Variants in GAB4 observed in about 807,000 individuals in gnomAD.
The protein encoded by GAB4 is GRB2 associated binding protein family member 4.
In GAB4, 26 loss-of-function variants were observed where a neutral mutation model predicts 51.3. The observed-to-expected ratio is 0.51, with a 90% CI of 0.37 to 0.70. The LOEUF is 0.70. Ranked by LOEUF, GAB4 falls within the 30% of genes least tolerant of loss-of-function variation. The pLI, the probability that GAB4 is intolerant of heterozygous loss-of-function variation, is 0.00. For missense variants in GAB4, 759 were observed against 734.6 expected (o/e 1.03, Z -0.38); for synonymous variants, 329 against 291.2 (o/e 1.13, Z -1.32).
intron 1 of GAB4, among the ~76,000 whole-genome samples, chr22:17,004,801 AC>A (rs1351167744): frequency 2.6e-5 from 4 of 151,438 alleles, no homozygotes; most frequent in African/African-American, 4.9e-5. Flanking sequence ...AAAATTCAAC[AC>A]CCCTTCGTGC....
intron 3 of GAB4, among the ~76,000 whole-genome samples, chr22:16,979,867 C>T (rs1029531645): frequency 1.3e-5 from 2 of 152,146 alleles, no homozygotes; most frequent in Non-Finnish European, 2.9e-5. Flanking sequence ...ACATCTACAA[C>T]CATCTGACTT....
rs1270188045 is a variant in GAB4 at position 16,982,822 on chromosome 22, C to T, written c.686+5138G>A. ...TGTCTGACATAATGTAAAAGAGTCT[C>T]GGAACATGTCCAGGGTCCAGGGTCT... On this transcript the variant is annotated intron_variant, in intron 3 of 9. Transcript: ENST00000400588. Among the ~76,000 whole-genome samples the T allele has an allele frequency of 2.6e-5, 4 of 152,306 alleles. No homozygotes were observed. In the South Asian group the frequency reaches 6.2e-4, roughly 24 times the overall value.
rs2061059745 is a variant in GAB4, at chr22:17,008,148, C to G, written c.-34G>C. On this transcript the variant is annotated 5_prime_UTR_variant, in exon 1 of 10. Transcript: ENST00000400588. ...CAGCTCACAGTGAAGGTGGGGGAGA[C>G]AGGGCGAGAGGGCGTTGCTGGAGGT... The G allele has an allele frequency of 6.6e-7, 1 of 1,516,870 alleles. No individual in the cohort carries two copies. The highest frequency in any genetic ancestry group is 9.0e-7 in the Non-Finnish European group (1 of 1,105,214). 94.0% of individuals were successfully genotyped at this position (1,516,870 alleles called of 1,614,324 possible). A position where few individuals can be genotyped will look rare whatever the true frequency, so the allele number is the denominator to read the frequency against.
At position 17,004,317 on chromosome 22, in the gene GAB4, A is replaced by G. The variant is rs143972606; in HGVS notation, c.174+3624T>C. On this transcript the variant is annotated intron_variant, in intron 1 of 9. Coordinates refer to ENST00000400588, the MANE Select transcript of GAB4 (RefSeq NM_001037814.1). ...AATGCAAAAAGAGGGACTCCTCCCTAACTCATTTTATGAGGCCAGCATCAT... is the reference window on the plus strand; with the variant it reads ...AATGCAAAAAGAGGGACTCCTCCCTGACTCATTTTATGAGGCCAGCATCAT... 4.0e-3 allele frequency among the ~76,000 whole-genome samples: 611 copies of G among 152,328 alleles called. 1 individual carries two copies. Among genetic ancestry groups the G allele is most frequent in the Middle Eastern group, 0.024 (7 of 294 alleles).
At chr22:16,988,614 C>T (rs189519194) in intron 2 of GAB4, among the ~76,000 whole-genome samples, 1 of 152,338 alleles carries the variant, frequency 6.6e-6, no homozygotes, top group Admixed American at 6.5e-5. Context: ...TCCTGCCTGT[C>T]CTTCCATGGC....
At chr22:17,003,062 A>G (rs1388055255) in intron 1 of GAB4, among the ~76,000 whole-genome samples, 1 of 152,162 alleles carries the variant, frequency 6.6e-6, no homozygotes, top group East Asian at 1.9e-4. Flanking sequence ...CTTTAAACCA[A>G]CAAACATCAA....
chr22:17,004,849 A>T (rs903033266), intron 1 of GAB4, among the ~76,000 whole-genome samples: 2 of 152,232 alleles, frequency 1.3e-5, no homozygotes, highest in African/African-American at 4.8e-5. Context: ...GATGGAACAT[A>T]TCTCAAAATA....
chr22:16,967,117 C>A (rs1268829750), intron 5 of GAB4: 4 of 152,232 alleles, frequency 2.6e-5, no homozygotes, highest in African/African-American at 9.7e-5. Context: ...CAATTTGTGA[C>A]AAATCTATGG....
chr22:16,999,230 G>T (rs1206678645), intron 1 of GAB4, among the ~76,000 whole-genome samples: 1 of 152,078 alleles, frequency 6.6e-6, no homozygotes. Context: ...AGCTCCTCTT[G>T]GTACCTCTGA....
intron 3 of GAB4, among the ~76,000 whole-genome samples, chr22:16,975,031 C>T (rs1186478008): frequency 2.6e-5 from 4 of 152,178 alleles, no homozygotes; most frequent in East Asian, 3.9e-4. Flanking sequence ...GAGATTCCCT[C>T]GGGTGCCTAC....
At chr22:17,007,674 C>T (rs550208408) in intron 1 of GAB4, among the ~76,000 whole-genome samples, 1 of 152,268 alleles carries the variant, frequency 6.6e-6, no homozygotes, top group South Asian at 2.1e-4. Flanking sequence ...TGTCCCCTTT[C>T]CCGCCCACTC....
intron 1 of GAB4, among the ~76,000 whole-genome samples, chr22:16,998,941 T>C (rs74811706): frequency 1.3e-5 from 2 of 151,852 alleles, no homozygotes; most frequent in East Asian, 3.8e-4. Context: ...ATGGATTACA[T>C]TTATTGATGT....
At chr22:16,975,220 G>T (rs1303964501) in intron 3 of GAB4, among the ~76,000 whole-genome samples, 1 of 152,142 alleles carries the variant, frequency 6.6e-6, no homozygotes, top group East Asian at 1.9e-4. Flanking sequence ...TAGCTCAGGG[G>T]ATCCCACCCC....
intron 1 of GAB4, among the ~76,000 whole-genome samples, chr22:17,001,942 G>A (rs1327371208): frequency 1.3e-5 from 2 of 152,200 alleles, no homozygotes; most frequent in African/African-American, 4.8e-5. Flanking sequence ...GAGACTCCAT[G>A]GGCATGGGAC....
Position 16,962,318 on chromosome 22 carries a change from C to CAAA in GAB4, c.*412_*414dup, listed in dbSNP as rs1569085945. On this transcript the variant is annotated 3_prime_UTR_variant, in exon 10 of 10. Transcript: ENST00000400588. ...TTGATGGCCTTGCCTCTCCCCTGACCAAAAAATGCCAGGGCTGAAAAGGTC... is the reference window on the plus strand; with the variant it reads ...TTGATGGCCTTGCCTCTCCCCTGACCAAAAAAAAATGCCAGGGCTGAAAAGGTC... The CAAA allele has an allele frequency of 6.3e-6, 1 of 158,720 alleles. No homozygotes were observed. Among genetic ancestry groups the CAAA allele is most frequent in the Admixed American group, 6.4e-5 (1 of 15,532 alleles). The allele number at this position is 158,720 out of a possible 1,614,324, so 9.8% of individuals were successfully genotyped here.
chr22:17,000,462 C>A (rs527687983), intron 1 of GAB4, among the ~76,000 whole-genome samples: 1 of 150,316 alleles, frequency 6.7e-6, no homozygotes, highest in South Asian at 2.1e-4. Flanking sequence ...ATTGCAACCC[C>A]TGCTTTTTTT....
chr22:16,969,935 G>A lies in GAB4; in HGVS notation c.937+8C>T, dbSNP rs763259047. The A allele has an allele frequency of 2.5e-6, 4 of 1,613,978 alleles. No individual in the cohort carries two copies. Among genetic ancestry groups the A allele is most frequent in the South Asian group, 1.1e-5 (1 of 91,070 alleles). ...GGGTGCTTCTGGGTGCCTTGAAGGG[G>A]TACACACCCTCATTATCCGCCTCAG... On this transcript the variant is annotated splice_region_variant and intron_variant, in intron 4 of 9. Coordinates refer to ENST00000400588, the MANE Select transcript of GAB4 (RefSeq NM_001037814.1).
chr22:16,966,420 A>ATTCTCATTCCTATCT, intron 5 of GAB4, 56 bp from the exon 6 acceptor site: 1 of 1,551,624 alleles, frequency 6.4e-7, no homozygotes, highest in Non-Finnish European at 8.8e-7. Flanking sequence ...CAAGATAGGA[A>ATTCTCATTCCTATCT]TGAGAATTTC....
intron 3 of GAB4, among the ~76,000 whole-genome samples, chr22:16,974,740 C>A (rs5748774): frequency 0.81 from 123,003 of 152,188 alleles, 50,406 homozygotes; most frequent in African/African-American, 0.95. Context: ...AAATAGGAAC[C>A]GCTCTGGTCT....
Sources: allele counts gnomAD v4.1 joint callset (sites outside exome capture counted in the v4.1 genomes callset), GRCh38; gene constraint gnomAD v4.1.1; transcripts MANE v1.5; gene names NCBI Gene and HGNC (gene_info 2026-07-23, HGNC 2026-07-21).